MARCHF1: variants seen among roughly 807,000 people sequenced by gnomAD.
MARCHF1 encodes the protein membrane associated ring-CH-type finger 1.
In MARCHF1, 40 loss-of-function variants were observed where a neutral mutation model predicts 54.2. The observed-to-expected ratio is 0.74, with a 90% CI of 0.57 to 0.96. The LOEUF (loss-of-function observed/expected upper bound fraction) is 0.96. MARCHF1 is among the 40% of genes least tolerant of loss of function. The pLI is 0.00. For missense variants in MARCHF1, 586 were observed against 656.5 expected (o/e 0.89, Z 1.17); for synonymous variants, 236 against 236.3 (o/e 1.00, Z 0.01).
At chr4:163,696,719 C>T (rs141454897) in intron 5 of MARCHF1, among the ~76,000 whole-genome samples, 127 of 152,228 alleles carry the variant, frequency 8.3e-4, no homozygotes, top group Admixed American at 2.8e-3. Flanking sequence ...GACTTATAAC[C>T]CTTTAAACAG....
In MARCHF1 at chr4:163,965,281, G is replaced by A. The variant is rs188019357; in HGVS notation, c.-39+23220C>T. 1.1e-4 allele frequency among the ~76,000 whole-genome samples: 16 copies of A among 152,014 alleles called. No individual in the cohort carries two copies. The East Asian group carries it at 2.9e-3, about 28-fold the overall frequency. On this transcript the variant is annotated intron_variant, in intron 3 of 9. Transcript: ENST00000514618. ...CGTGGGAAGGATCTCTCTTGTTAGG[G>A]ATTGAGACATCAAGACATAGGCTTG... is the stretch of plus-strand genomic sequence containing the variant.
At chr4:163,590,122 G>C (rs1708458027) in intron 7 of MARCHF1, among the ~76,000 whole-genome samples, 1 of 150,176 alleles carries the variant, frequency 6.7e-6, no homozygotes, top group Non-Finnish European at 1.5e-5. Context: ...TTTAAGAAAA[G>C]TAGGGGTCTT....
intron 3 of MARCHF1, among the ~76,000 whole-genome samples, chr4:163,874,261 G>A (rs1750241558): frequency 6.6e-6 from 1 of 152,178 alleles, no homozygotes; most frequent in Non-Finnish European, 1.5e-5. Context: ...GGGCAGCCAC[G>A]TGGCGGAAGT....
intron 3 of MARCHF1, among the ~76,000 whole-genome samples, chr4:163,935,671 A>G (rs1314960195): frequency 1.3e-5 from 2 of 150,002 alleles, no homozygotes; most frequent in African/African-American, 2.4e-5. Flanking sequence ...AACTTTCTCC[A>G]TATCAACAAC....
At chr4:164,342,661 C>T (rs1234467286) in intron 1 of MARCHF1, among the ~76,000 whole-genome samples, 1 of 151,964 alleles carries the variant, frequency 6.6e-6, no homozygotes, top group Non-Finnish European at 1.5e-5. Flanking sequence ...GATATCTGAA[C>T]TCCTATGTTC....
chr4:164,305,026 T>C (rs1013293488), intron 1 of MARCHF1, among the ~76,000 whole-genome samples: 1 of 152,286 alleles, frequency 6.6e-6, no homozygotes, highest in South Asian at 2.1e-4. Context: ...CTGACATCAT[T>C]TGTAAAAACC....
At chr4:163,896,992 A>T (rs954686032) in intron 3 of MARCHF1, among the ~76,000 whole-genome samples, 3 of 152,132 alleles carry the variant, frequency 2.0e-5, no homozygotes, top group African/African-American at 7.2e-5. Flanking sequence ...TTGAGCTCTT[A>T]TCTCATTGCT....
intron 1 of MARCHF1, among the ~76,000 whole-genome samples, chr4:164,127,197 G>A (rs1357672914): frequency 6.6e-6 from 1 of 152,204 alleles, no homozygotes; most frequent in East Asian, 1.9e-4. Flanking sequence ...TAGAACTTGT[G>A]AGTGATGAAA....
chr4:164,130,116 AT>A (rs1370947546), intron 1 of MARCHF1: 3 of 152,172 alleles, frequency 2.0e-5, no homozygotes, highest in Admixed American at 6.6e-5. Context: ...TATAAAAAAA[AT>A]CACACTACTT....
At chr4:163,883,017 G>A (rs1750450304) in intron 3 of MARCHF1, among the ~76,000 whole-genome samples, 1 of 152,058 alleles carries the variant, frequency 6.6e-6, no homozygotes, top group African/African-American at 2.4e-5. Context: ...TTACATTTCA[G>A]AGGAGATGAA....
intron 5 of MARCHF1, among the ~76,000 whole-genome samples, chr4:163,662,534 C>T (rs1380057323): frequency 6.6e-6 from 1 of 151,968 alleles, no homozygotes; most frequent in African/African-American, 2.4e-5. Context: ...CAGAATCTTC[C>T]CTTTCAGCCC....
At chr4:163,676,583 C>A (rs1743928751) in intron 5 of MARCHF1, among the ~76,000 whole-genome samples, 1 of 151,890 alleles carries the variant, frequency 6.6e-6, no homozygotes, top group South Asian at 2.1e-4. Flanking sequence ...CTTACTTCTA[C>A]AAAATAAATA....
intron 1 of MARCHF1, among the ~76,000 whole-genome samples, chr4:164,139,360 T>C (rs571767123): frequency 1.1e-4 from 16 of 152,290 alleles, no homozygotes; most frequent in African/African-American, 3.8e-4. Flanking sequence ...GAAAATCTCA[T>C]ATTCATTAAA....
chr4:164,030,267 T>A (rs895475998), intron 2 of MARCHF1, among the ~76,000 whole-genome samples: 1 of 151,894 alleles, frequency 6.6e-6, no homozygotes, highest in Admixed American at 6.6e-5. Flanking sequence ...TGGAAAAAAA[T>A]TAAAATCTAG....
chr4:163,598,834 A>G (rs1363047950), intron 7 of MARCHF1, among the ~76,000 whole-genome samples: 1 of 152,210 alleles, frequency 6.6e-6, no homozygotes, highest in Non-Finnish European at 1.5e-5. Flanking sequence ...TCTTTCAGTA[A>G]TAAGTTCACC....
intron 3 of MARCHF1, among the ~76,000 whole-genome samples, chr4:163,903,336 C>A (rs547634465): frequency 3.7e-4 from 56 of 152,216 alleles, no homozygotes; most frequent in African/African-American, 1.3e-3. Context: ...TGCAGCTTAT[C>A]TCAAGATATC....
chr4:163,933,117 G>A, intron 3 of MARCHF1: 1 of 1,118,054 alleles, frequency 8.9e-7, no homozygotes, highest in Non-Finnish European at 1.3e-6. Flanking sequence ...TGAGGCCATT[G>A]CAGAACTTGA....
intron 8 of MARCHF1, among the ~76,000 whole-genome samples, chr4:163,560,924 C>G (rs1739447684): frequency 6.6e-6 from 1 of 152,072 alleles, no homozygotes; most frequent in South Asian, 2.1e-4. Flanking sequence ...TTGGTAGATT[C>G]CATCATATTT....
chr4:163,556,425 G>A (rs1240437524), intron 8 of MARCHF1, among the ~76,000 whole-genome samples: 4 of 152,114 alleles, frequency 2.6e-5, no homozygotes, highest in South Asian at 4.1e-4. Flanking sequence ...TCTACCCACA[G>A]TAAGCTCATC....
Sources: gnomAD v4.1 joint callset for allele counts (sites outside exome capture counted in the v4.1 genomes callset) on GRCh38, gnomAD v4.1.1 for gene constraint, MANE v1.5 for transcripts, NCBI Gene and HGNC (gene_info 2026-07-23, HGNC 2026-07-21) for gene names.